The following MLLT3 variants were observed in gnomAD, a reference collection of about 807,000 sequenced individuals.
MLLT3 encodes the protein MLLT3 super elongation complex subunit.
A neutral mutation model predicts 53.2 loss-of-function variants in MLLT3; 4 were observed. That is an observed-to-expected ratio of 0.08 (90% CI 0.04 to 0.17). The LOEUF (loss-of-function observed/expected upper bound fraction) is 0.17, where lower values mean the gene tolerates loss of function less well. Ranked by LOEUF, MLLT3 falls within the 10% of genes least tolerant of loss-of-function variation. The pLI is 1.00. For synonymous variants in MLLT3, 283 were observed against 230.6 expected (o/e 1.23, Z -2.06); for missense variants, 569 against 684.0 (o/e 0.83, Z 1.87).
chr9:20,568,764 GTTGA>G (rs1379800760), intron 2 of MLLT3, among the ~76,000 whole-genome samples: 2 of 152,152 alleles, frequency 1.3e-5, no homozygotes, highest in Non-Finnish European at 2.9e-5. Context: ...TTCAGCTAAT[GTTGA>G]TTAAGTCCTT....
intron 4 of MLLT3, among the ~76,000 whole-genome samples, chr9:20,421,220 C>T (rs542768994): frequency 5.3e-5 from 8 of 151,972 alleles, no homozygotes; most frequent in East Asian, 1.9e-4. Flanking sequence ...GCCAAGATTG[C>T]GCCACTGCAC....
intron 2 of MLLT3, among the ~76,000 whole-genome samples, chr9:20,494,536 A>G (rs189876600): frequency 6.6e-6 from 1 of 152,310 alleles, no homozygotes; most frequent in Admixed American, 6.5e-5. Context: ...GATATTTCCC[A>G]AATATAATCT....
intron 10 of MLLT3, among the ~76,000 whole-genome samples, chr9:20,350,581 C>T (rs965106210): frequency 2.4e-4 from 31 of 127,386 alleles, no homozygotes; most frequent in South Asian, 1.5e-3. Context: ...GGCGACAGAG[C>T]GAGACTCCGT....
At chr9:20,380,621 A>C (rs1821886663) in intron 5 of MLLT3, among the ~76,000 whole-genome samples, 1 of 152,002 alleles carries the variant, frequency 6.6e-6, no homozygotes, top group Non-Finnish European at 1.5e-5. Context: ...CTGCCATTCC[A>C]ATTTCTTCCT....
chr9:20,368,065 C>T (rs1258468101), intron 5 of MLLT3, among the ~76,000 whole-genome samples: 1 of 152,226 alleles, frequency 6.6e-6, no homozygotes, highest in African/African-American at 2.4e-5. Flanking sequence ...GGCCTACCAA[C>T]CCTTCAGCAC....
intron 2 of MLLT3, among the ~76,000 whole-genome samples, chr9:20,471,186 G>C (rs980425194): frequency 1.3e-5 from 2 of 151,962 alleles, no homozygotes; most frequent in Non-Finnish European, 2.9e-5. Context: ...CTTCTGTGTA[G>C]CACTTTGTGC....
At chr9:20,517,137 A>G (rs149678086) in intron 2 of MLLT3, among the ~76,000 whole-genome samples, 68 of 152,348 alleles carry the variant, frequency 4.5e-4, no homozygotes, top group African/African-American at 1.6e-3. Context: ...CTAGTATTAT[A>G]TAATATTTAC....
intron 5 of MLLT3, among the ~76,000 whole-genome samples, chr9:20,409,993 T>C (rs890543334): frequency 6.6e-6 from 1 of 152,222 alleles, no homozygotes; most frequent in Non-Finnish European, 1.5e-5. Flanking sequence ...TTATCTCATT[T>C]AATTAAAAAG....
rs535764482 is a variant in MLLT3, at chr9:20,382,415, A to G, written c.1126-16671T>C. On this transcript the variant is annotated intron_variant, in intron 5 of 10. Coordinates refer to ENST00000380338, the MANE Select transcript of MLLT3 (RefSeq NM_004529.4). ...AAGAAAACGGTGTAGCCCTCAGGAA[A>G]ACAGAAGTGCCCCTAAGTTCATGTG... 5 of 152,038 alleles carry G rather than the reference A, an allele frequency of 3.3e-5. No individual in the cohort carries two copies. In the South Asian group the frequency reaches 1.0e-3, roughly 32 times the overall value. The allele number at this position is 152,038 out of a possible 1,614,324, so 9.4% of individuals were successfully genotyped here. A position where few individuals can be genotyped will look rare whatever the true frequency, so the allele number is the denominator to read the frequency against.
chr9:20,545,299 C>T (rs1818758075), intron 2 of MLLT3, among the ~76,000 whole-genome samples: 1 of 152,110 alleles, frequency 6.6e-6, no homozygotes, highest in African/African-American at 2.4e-5. Flanking sequence ...TGAAATAAAT[C>T]AGTCATAAAA....
At chr9:20,594,841 C>T (rs1427945355) in intron 2 of MLLT3, among the ~76,000 whole-genome samples, 2 of 152,108 alleles carry the variant, frequency 1.3e-5, no homozygotes, top group Non-Finnish European at 2.9e-5. Context: ...AGGAAGTTCC[C>T]CTGTATGGTC....
intron 3 of MLLT3, among the ~76,000 whole-genome samples, chr9:20,449,599 T>C (rs1381170080): frequency 6.6e-6 from 1 of 152,156 alleles, no homozygotes; most frequent in Non-Finnish European, 1.5e-5. Context: ...ATAATTTGAA[T>C]CCATTTCTTT....
chr9:20,572,519 C>A (rs1349335191), intron 2 of MLLT3, among the ~76,000 whole-genome samples: 1 of 152,136 alleles, frequency 6.6e-6, no homozygotes, highest in Non-Finnish European at 1.5e-5. Context: ...TTAGGCCAGG[C>A]ATGGTGGCTC....
intron 2 of MLLT3, among the ~76,000 whole-genome samples, chr9:20,544,419 T>C (rs995533074): frequency 2.6e-5 from 4 of 152,174 alleles, no homozygotes; most frequent in Non-Finnish European, 4.4e-5. Context: ...GATAAGAGGT[T>C]GAACAGGACT....
chr9:20,599,305 A>AG (rs1362028899), intron 2 of MLLT3, among the ~76,000 whole-genome samples: 1 of 130,582 alleles, frequency 7.7e-6, no homozygotes, highest in African/African-American at 3.4e-5. Flanking sequence ...CTCTGTCTCC[A>AG]AAAAAAAAAA....
At chr9:20,535,339 T>A (rs923556679) in intron 2 of MLLT3, among the ~76,000 whole-genome samples, 1 of 152,132 alleles carries the variant, frequency 6.6e-6, no homozygotes, top group Non-Finnish European at 1.5e-5. Context: ...AAAATTGTCT[T>A]CCATGAAACC....
intron 2 of MLLT3, among the ~76,000 whole-genome samples, chr9:20,608,002 T>C (rs1820610395): frequency 6.6e-6 from 1 of 152,010 alleles, no homozygotes. Flanking sequence ...CATCTTAGTA[T>C]CAAAATAGTT....
At chr9:20,378,894 T>C (rs1380879670) in intron 5 of MLLT3, among the ~76,000 whole-genome samples, 1 of 152,046 alleles carries the variant, frequency 6.6e-6, no homozygotes, top group Non-Finnish European at 1.5e-5. Flanking sequence ...CCTTTAAAAA[T>C]GTGGTATTCA....
At chr9:20,565,960 A>ATATATATATTTATT (rs1819354736) in intron 2 of MLLT3, among the ~76,000 whole-genome samples, 1 of 21,868 alleles carries the variant, frequency 4.6e-5, no homozygotes, top group Non-Finnish European at 7.7e-5. Flanking sequence ...ATATTTATAT[A>ATATATATATTTATT]TATATATTTA....
Sources: allele counts gnomAD v4.1 joint callset (sites outside exome capture counted in the v4.1 genomes callset), GRCh38; gene constraint gnomAD v4.1.1; transcripts MANE v1.5; gene names NCBI Gene and HGNC (gene_info 2026-07-23, HGNC 2026-07-21).